The following NUP37 variants were observed in gnomAD, a reference collection of about 807,000 sequenced individuals.
The protein encoded by NUP37 is nucleoporin Nup37.
In NUP37, 33 loss-of-function variants were observed where a neutral mutation model predicts 45.4. The ratio of observed to expected loss-of-function variants is 0.73; its 90% CI spans 0.55 to 0.97. The LOEUF (loss-of-function observed/expected upper bound fraction) is 0.97, where lower values mean the gene tolerates loss of function less well. NUP37 is among the 50% of genes least tolerant of loss of function. The pLI is 0.00. For synonymous variants in NUP37, 127 were observed against 130.7 expected, an observed-to-expected ratio of 0.97 and a Z score of 0.19; for missense variants, 365 against 389.7, an observed-to-expected ratio of 0.94 and a Z score of 0.53.
chr12:102,089,394 A>T (rs1446146159), intron 5 of NUP37, among the ~76,000 whole-genome samples: 1 of 141,530 alleles, frequency 7.1e-6, no homozygotes, highest in African/African-American at 2.7e-5. Context: ...CTCACATCCC[A>T]GACGGGGCAG....
intron 3 of NUP37, among the ~76,000 whole-genome samples, chr12:102,108,039 T>C (rs1880205515): frequency 6.6e-6 from 1 of 152,220 alleles, no homozygotes; most frequent in Non-Finnish European, 1.5e-5. Context: ...TACTCTGTGA[T>C]GGTTAATATT....
At chr12:102,117,722 A>C (rs1880505037) in intron 2 of NUP37, among the ~76,000 whole-genome samples, 1 of 152,176 alleles carries the variant, frequency 6.6e-6, no homozygotes. Flanking sequence ...ACATATACTA[A>C]AATTCAAGCA....
At chr12:102,117,432 ACT>A (rs998916652) in intron 2 of NUP37, among the ~76,000 whole-genome samples, 10 of 146,046 alleles carry the variant, frequency 6.8e-5, no homozygotes, top group East Asian at 2.1e-4. Context: ...ACCAAGCAAA[ACT>A]CTGTCTGAAA....
rs758478568 is a variant in NUP37 at position 102,074,378 on chromosome 12, C to T, written c.957G>A (p.Leu319=). The T allele has an allele frequency of 5.9e-5, 95 of 1,611,848 alleles. No homozygotes were observed. The highest frequency in any genetic ancestry group is 7.6e-5 in the Non-Finnish European group (89 of 1,178,708). Residue 319 remains leucine, a synonymous_variant, in exon 10 of 10, where the codon CTG becomes CTA. Transcript: ENST00000552283. ...PLCVIGGDHK[L]LFWVTEV Reference sequence around the variant, plus strand: ...TTTATACTTCAGTCACCCAAAACAACAGCTTGTGGTCTCCTCCAATTACAC... The same window carrying T: ...TTTATACTTCAGTCACCCAAAACAATAGCTTGTGGTCTCCTCCAATTACAC...
intron 5 of NUP37, among the ~76,000 whole-genome samples, 180 bp from the exon 6 acceptor site, chr12:102,086,036 G>A (rs1323726215): frequency 6.6e-6 from 1 of 152,152 alleles, no homozygotes; most frequent in Non-Finnish European, 1.5e-5. Flanking sequence ...AAAGTAGGAT[G>A]AAGAATTTAA....
intron 5 of NUP37, among the ~76,000 whole-genome samples, chr12:102,086,194 CA>C (rs1475056885): frequency 3.9e-5 from 6 of 152,096 alleles, no homozygotes; most frequent in African/African-American, 1.4e-4. Flanking sequence ...GGTCACTAAT[CA>C]GGTTGTCTGA....
chr12:102,112,407 C>T (rs995686054), intron 2 of NUP37, among the ~76,000 whole-genome samples, 175 bp from the exon 3 acceptor site: 1 of 152,100 alleles, frequency 6.6e-6, no homozygotes. Context: ...CCAAAGTTGT[C>T]TAAGCCTCAC....
intron 5 of NUP37, among the ~76,000 whole-genome samples, chr12:102,091,290 C>T (rs566185667): frequency 9.5e-5 from 14 of 147,680 alleles, no homozygotes; most frequent in African/African-American, 3.2e-4. Context: ...CCCAGCTACT[C>T]GGGAGGCTGA....
intron 6 of NUP37, among the ~76,000 whole-genome samples, chr12:102,080,240 T>G (rs1260548316): frequency 6.6e-6 from 1 of 152,190 alleles, no homozygotes; most frequent in Admixed American, 6.5e-5. Context: ...ACAGTATTCT[T>G]AATAGAAGAA....
intron 1 of NUP37, among the ~76,000 whole-genome samples, chr12:102,118,830 A>G (rs1880580834): frequency 6.6e-6 from 1 of 152,200 alleles, no homozygotes; most frequent in African/African-American, 2.4e-5. Flanking sequence ...TTCTGTTTAG[A>G]TTATCTAAAA....
At position 102,099,022 on chromosome 12, in the gene NUP37, G is replaced by C. The variant is rs959725345; in HGVS notation, c.449+84C>G. 27 of 917,418 alleles carry C rather than the reference G, an allele frequency of 2.9e-5. No individual in the cohort carries two copies. The African/African-American group carries it at 4.3e-4, about 15-fold the overall frequency. 56.8% of individuals were successfully genotyped at this position (917,418 alleles called of 1,614,324 possible). On this transcript the variant is annotated intron_variant, in intron 5 of 9. Coordinates refer to ENST00000552283, the MANE Select transcript of NUP37 (RefSeq NM_024057.4). ...AACACTCTATAGAATTTATGTAAAA[G>C]TCACATTTTTTTTTCTCATTTTAAA...
At chr12:102,117,794 GAAGT>G (rs1388168281) in intron 2 of NUP37, among the ~76,000 whole-genome samples, 10 of 152,310 alleles carry the variant, frequency 6.6e-5, no homozygotes, top group African/African-American at 2.2e-4. Context: ...TAGCTAGTAA[GAAGT>G]AAGTAAAGCA....
chr12:102,093,257 T>C (rs1879711954), intron 5 of NUP37, among the ~76,000 whole-genome samples: 1 of 152,082 alleles, frequency 6.6e-6, no homozygotes, highest in African/African-American at 2.4e-5. Flanking sequence ...TTCATGAAGC[T>C]TTGGGGAGGA....
At chr12:102,091,591 T>C (rs1879657556) in intron 5 of NUP37, among the ~76,000 whole-genome samples, 1 of 152,098 alleles carries the variant, frequency 6.6e-6, no homozygotes, top group African/African-American at 2.4e-5. Flanking sequence ...ATAGTACATA[T>C]TTAAATGTTT....
intron 3 of NUP37, among the ~76,000 whole-genome samples, chr12:102,111,441 C>T (rs1880315445): frequency 1.3e-5 from 2 of 151,808 alleles, no homozygotes; most frequent in Admixed American, 6.6e-5. Flanking sequence ...CTAAATTATC[C>T]CTTAATTTAA....
rs548467069 is a variant in NUP37, at chr12:102,108,419, G to A, written c.281+3689C>T. Reference sequence around the variant, plus strand: ...TTGGGCCTTAGGCCACAGATTGAAGGCTGCAATGTTGGCTTTCCTACTTGT... The same window carrying A: ...TTGGGCCTTAGGCCACAGATTGAAGACTGCAATGTTGGCTTTCCTACTTGT... On this transcript the variant is annotated intron_variant, in intron 3 of 9. Transcript: ENST00000552283. 2.6e-5 allele frequency among the ~76,000 whole-genome samples: 4 copies of A among 152,262 alleles called. No individual in the cohort carries two copies. The South Asian group carries it at 8.3e-4, about 32-fold the overall frequency.
At position 102,117,075 on chromosome 12, in the gene NUP37, T is replaced by A. The variant is rs994744372; in HGVS notation, c.156+1288A>T. On this transcript the variant is annotated intron_variant, in intron 2 of 9. Transcript: ENST00000552283. ...ATAACATTTATAATAACTATCACTT[T>A]AGTGATAGTTATTTTAAATCTTTGA... Among the ~76,000 whole-genome samples the A allele has an allele frequency of 2.6e-5, 4 of 152,322 alleles. No homozygotes were observed. The South Asian group carries it at 8.3e-4, about 32-fold the overall frequency.
intron 3 of NUP37, among the ~76,000 whole-genome samples, chr12:102,106,605 C>T (rs1319294246): frequency 6.6e-6 from 1 of 152,138 alleles, no homozygotes; most frequent in African/African-American, 2.4e-5. Flanking sequence ...CAAATGTACA[C>T]TCTTATCATT....
At chr12:102,104,336 G>A (rs1880061211) in intron 3 of NUP37, among the ~76,000 whole-genome samples, 1 of 152,154 alleles carries the variant, frequency 6.6e-6, no homozygotes, top group Non-Finnish European at 1.5e-5. Flanking sequence ...TTGTGGTTGA[G>A]TTGTAGAAGT....
Sources: gnomAD v4.1 joint callset for allele counts (sites outside exome capture counted in the v4.1 genomes callset) on GRCh38, gnomAD v4.1.1 for gene constraint, MANE v1.5 for transcripts, NCBI Gene and HGNC (gene_info 2026-07-23, HGNC 2026-07-21) for gene names.